The following ARID1B variants were observed in gnomAD, a reference collection of about 807,000 sequenced individuals.
ARID1B encodes the protein AT-rich interactive domain-containing protein 1B.
In ARID1B, 30 loss-of-function variants were observed where a neutral mutation model predicts 212.3. The observed-to-expected ratio is 0.14, with a 90% confidence interval of 0.11 to 0.19. The LOEUF is 0.19. Among genes scored for constraint, ARID1B ranks in the 10% least tolerant of loss-of-function variants. ARID1B has a pLI of 1.00. For synonymous variants in ARID1B, 1,402 were observed against 1,301.7 expected (o/e 1.08, Z -1.66); for missense variants, 2,891 against 3,204.0 (o/e 0.90, Z 2.36).
At chr6:156,916,986 T>G (rs1790409811) in intron 3 of ARID1B, among the ~76,000 whole-genome samples, 1 of 152,224 alleles carries the variant, frequency 6.6e-6, no homozygotes, top group Non-Finnish European at 1.5e-5. Flanking sequence ...GACCGAGGTC[T>G]TCTGCTGGTC....
intron 4 of ARID1B, among the ~76,000 whole-genome samples, chr6:157,016,631 G>T (rs1412334287): frequency 6.6e-6 from 1 of 152,248 alleles, no homozygotes; most frequent in Non-Finnish European, 1.5e-5. Flanking sequence ...GTGAGTGATT[G>T]TGGGTGTGTG....
At chr6:156,784,638 T>G (rs535806008) in intron 1 of ARID1B, among the ~76,000 whole-genome samples, 1 of 152,342 alleles carries the variant, frequency 6.6e-6, no homozygotes, top group Admixed American at 6.5e-5. Context: ...CAATTCACTT[T>G]GAGTGAGTGA....
At chr6:157,048,747 G>A (rs771371771) in intron 4 of ARID1B, among the ~76,000 whole-genome samples, 4 of 152,192 alleles carry the variant, frequency 2.6e-5, no homozygotes, top group Non-Finnish European at 5.9e-5. Flanking sequence ...AATTCGGCTG[G>A]TGTCTTGATT....
At chr6:157,167,008 GTA>G (rs1562317760) in intron 8 of ARID1B, 30 bp from the exon 9 acceptor site, 1 of 1,605,198 alleles carries the variant, frequency 6.2e-7, no homozygotes, top group Non-Finnish European at 8.5e-7. Flanking sequence ...TGCATGGTCG[GTA>G]TATGTGTGCT....
chr6:156,989,200 A>G (rs934040689), intron 4 of ARID1B, among the ~76,000 whole-genome samples: 32 of 152,168 alleles, frequency 2.1e-4, no homozygotes, highest in African/African-American at 6.5e-4. Flanking sequence ...TGCTTTGCGA[A>G]ACCCCTCTAA....
chr6:156,871,272 T>C (rs1786105967), intron 2 of ARID1B, among the ~76,000 whole-genome samples: 1 of 152,174 alleles, frequency 6.6e-6, no homozygotes, highest in Admixed American at 6.5e-5. Flanking sequence ...ATTTATCACC[T>C]CCTAGCTAGT....
intron 5 of ARID1B, among the ~76,000 whole-genome samples, chr6:157,096,124 C>G (rs1016061047): frequency 6.6e-6 from 1 of 152,178 alleles, no homozygotes; most frequent in African/African-American, 2.4e-5. Context: ...TTCAAGACCC[C>G]GCTAAAGGAT....
intron 8 of ARID1B, among the ~76,000 whole-genome samples, chr6:157,162,166 T>C (rs1205965236): frequency 1.3e-5 from 2 of 152,260 alleles, no homozygotes; most frequent in African/African-American, 4.8e-5. Flanking sequence ...TGTTGATTGC[T>C]AAGATGATAA....
chr6:156,999,812 C>T (rs138428369), intron 4 of ARID1B, among the ~76,000 whole-genome samples: 2 of 152,324 alleles, frequency 1.3e-5, no homozygotes, highest in South Asian at 2.1e-4. Flanking sequence ...GGATTACAGG[C>T]GTGAGCCACC....
chr6:156,941,061 A>C (rs1792636125), intron 4 of ARID1B: 2 of 152,208 alleles, frequency 1.3e-5, no homozygotes, highest in Admixed American at 6.5e-5. Context: ...AATCCTTATG[A>C]ACATTAAAAA....
chr6:156,901,622 T>C, intron 3 of ARID1B, 97 bp downstream of exon 3: 4 of 1,422,050 alleles, frequency 2.8e-6, no homozygotes, highest in East Asian at 5.0e-5. Context: ...AATTATGTTC[T>C]GGTGGAAAAA....
chr6:156,837,088 TTTCTTC>T, intron 2 of ARID1B, among the ~76,000 whole-genome samples: 1 of 152,246 alleles, frequency 6.6e-6, no homozygotes, highest in Admixed American at 6.5e-5. Flanking sequence ...GAGGTGTTTC[TTTCTTC>T]TTCAAAGATT....
At chr6:156,974,652 G>A (rs1235087870) in intron 4 of ARID1B, among the ~76,000 whole-genome samples, 1 of 152,150 alleles carries the variant, frequency 6.6e-6, no homozygotes, top group African/African-American at 2.4e-5. Context: ...CTTTTTCTTA[G>A]ATACTGGCAG....
At chr6:157,189,822 G>T (rs1450031095) in intron 14 of ARID1B, 42 bp downstream of exon 14, 1 of 1,611,210 alleles carries the variant, frequency 6.2e-7, no homozygotes, top group South Asian at 1.1e-5. Context: ...AGTCACATTT[G>T]TTCATCTTTT....
At chr6:156,981,891 C>G (rs1157281850) in intron 4 of ARID1B, among the ~76,000 whole-genome samples, 1 of 152,088 alleles carries the variant, frequency 6.6e-6, no homozygotes, top group African/African-American at 2.4e-5. Context: ...TGCGGTCATA[C>G]CTGCCAGAGA....
chr6:157,128,349 C>T (rs756200016), intron 6 of ARID1B, among the ~76,000 whole-genome samples: 1 of 152,134 alleles, frequency 6.6e-6, no homozygotes, highest in Non-Finnish European at 1.5e-5. Flanking sequence ...TTCTCTTCCT[C>T]TTCAATCCTT....
At chr6:156,981,313 G>T (rs1220063940) in intron 4 of ARID1B, among the ~76,000 whole-genome samples, 3 of 152,164 alleles carry the variant, frequency 2.0e-5, no homozygotes, top group Non-Finnish European at 4.4e-5. Context: ...GAGAGTCTCT[G>T]CCGTTCTTCA....
At chr6:156,845,262 G>T (rs1017340855) in intron 2 of ARID1B, among the ~76,000 whole-genome samples, 1 of 152,226 alleles carries the variant, frequency 6.6e-6, no homozygotes, top group African/African-American at 2.4e-5. Flanking sequence ...GGAGCCACCT[G>T]CCGCATTCTG....
At position 157,198,520 on chromosome 6, in the gene ARID1B, G is replaced by A. The variant is rs567755146; in HGVS notation, c.4383-291G>A. The A allele has an allele frequency of 4.4e-4, 168 of 377,876 alleles. 2 individuals are homozygous for A. The highest frequency in any genetic ancestry group is 3.1e-3 in the African/African-American group (153 of 50,038). The allele number at this position is 377,876 out of a possible 1,614,324, so 23.4% of individuals were successfully genotyped here. A position where few individuals can be genotyped will look rare whatever the true frequency, so the allele number is the denominator to read the frequency against. On this transcript the variant is annotated intron_variant, in intron 16 of 19. Transcript: ENST00000636930. ...TGCGGCCTCCAAGCAGAGGCCAGAG[G>A]CTCTAACAAGTGCTTACAGGGTGCC...
Sources: gnomAD v4.1 joint callset for allele counts (sites outside exome capture counted in the v4.1 genomes callset) on GRCh38, gnomAD v4.1.1 for gene constraint, MANE v1.5 for transcripts, NCBI Gene and HGNC (gene_info 2026-07-23, HGNC 2026-07-21) for gene names.